REEP5: variants seen among roughly 807,000 people sequenced by gnomAD.
REEP5 encodes the protein receptor accessory protein 5.
Under a neutral mutation model 22.4 loss-of-function variants are expected in REEP5, and 24 were observed. The ratio of observed to expected loss-of-function variants is 1.07; its 90% CI spans 0.78 to 1.51. The LOEUF (loss-of-function observed/expected upper bound fraction) is 1.51, where lower values mean the gene tolerates loss of function less well. REEP5 is among the 40% of genes most tolerant of loss of function. REEP5 has a pLI of 0.00. For missense variants in REEP5, 252 were observed against 233.0 expected (o/e 1.08, Z -0.53); for synonymous variants, 103 against 88.6 (o/e 1.16, Z -0.92).
intron 2 of REEP5, among the ~76,000 whole-genome samples, chr5:112,909,667 C>T (rs991641172): frequency 2.6e-5 from 4 of 152,148 alleles, no homozygotes; most frequent in Non-Finnish European, 4.4e-5. Context: ...TGGACTGGTA[C>T]ATATATGAAC....
chr5:112,921,533 T>G (rs2150050098), intron 1 of REEP5: 1 of 512,142 alleles, frequency 2.0e-6, no homozygotes, highest in Non-Finnish European at 3.5e-6. Flanking sequence ...CCCGGGACGG[T>G]CCCAGGCACC....
intron 2 of REEP5, among the ~76,000 whole-genome samples, chr5:112,916,303 C>T (rs1769231231): frequency 1.3e-5 from 2 of 152,144 alleles, no homozygotes; most frequent in South Asian, 2.1e-4. Context: ...GATCTGACCT[C>T]GATAGGGGTC....
Position 112,911,326 on chromosome 5 carries a change from C to T in REEP5, c.213-8808G>A, listed in dbSNP as rs934246100. On this transcript the variant is annotated intron_variant, in intron 2 of 4. Transcript: ENST00000379638. ...TTTAGGCCACTGTAAATGGCTGCAG[C>T]TCACTGAACTGACATAAAAGGTGTG... Among the ~76,000 whole-genome samples the T allele has an allele frequency of 2.7e-4, 41 of 152,288 alleles. 1 individual carries two copies. The Middle Eastern group carries it at 0.014, about 51-fold the overall frequency.
At chr5:112,886,436 T>C (rs1248738441) in intron 4 of REEP5, among the ~76,000 whole-genome samples, 1 of 152,188 alleles carries the variant, frequency 6.6e-6, no homozygotes, top group Non-Finnish European at 1.5e-5. Flanking sequence ...CTTTATCATT[T>C]CTCCTCCCGC....
chr5:112,921,945 A>C (rs1580760402), intron 1 of REEP5, 128 bp downstream of exon 1: 2 of 1,209,186 alleles, frequency 1.7e-6, no homozygotes, highest in African/African-American at 3.2e-5. Flanking sequence ...TGATCCCTGA[A>C]TATGCTGCTT....
intron 2 of REEP5, among the ~76,000 whole-genome samples, chr5:112,912,089 C>T (rs1769116487): frequency 6.6e-6 from 1 of 152,104 alleles, no homozygotes; most frequent in Non-Finnish European, 1.5e-5. Flanking sequence ...CCTGATTTGT[C>T]CTAAACGTTT....
intron 3 of REEP5, among the ~76,000 whole-genome samples, chr5:112,890,696 A>T (rs1768412292): frequency 6.6e-6 from 1 of 150,516 alleles, no homozygotes; most frequent in South Asian, 2.1e-4. Flanking sequence ...CACTCTAAAG[A>T]TATATACAGA....
intron 3 of REEP5, chr5:112,892,738 G>C (rs560977214): frequency 7.5e-5 from 121 of 1,613,910 alleles, no homozygotes; most frequent in South Asian, 9.9e-5. Flanking sequence ...CAAGAACTCC[G>C]AGAGGAGGGA....
intron 3 of REEP5, chr5:112,893,116 A>AAAAAAAAAAAAAAAAAAAAAAAAAAC (rs1768550572): frequency 1.2e-6 from 1 of 809,776 alleles, no homozygotes; most frequent in Non-Finnish European, 1.8e-6. Flanking sequence ...AAAAAAAAAA[A>AAAAAAAAAAAAAAAAAAAAAAAAAAC]AGAATGGACC....
chr5:112,900,639 C>T lies in REEP5; in HGVS notation c.351+1741G>A, dbSNP rs78252855. On this transcript the variant is annotated intron_variant, in intron 3 of 4. Transcript: ENST00000379638. Reference sequence around the variant, plus strand: ...TGAAGCTTTGACCTGAGGAGCTCTTCTGTAGGTGAAGAGTGGTTAACTATG... The same window carrying T: ...TGAAGCTTTGACCTGAGGAGCTCTTTTGTAGGTGAAGAGTGGTTAACTATG... Among the ~76,000 whole-genome samples, 91 of 152,190 alleles carry T rather than the reference C, an allele frequency of 6.0e-4. 1 individual carries two copies. In the East Asian group the frequency reaches 0.017, roughly 28 times the overall value.
At chr5:112,887,539 A>AT (rs1174025562) in intron 3 of REEP5, among the ~76,000 whole-genome samples, 2 of 152,226 alleles carry the variant, frequency 1.3e-5, no homozygotes, top group African/African-American at 4.8e-5. Context: ...ATCTGCATGT[A>AT]TAAAGCCCTG....
At position 112,902,509 on chromosome 5, in the gene REEP5, A is replaced by C; in HGVS notation, c.222T>G (p.Ala74=). 1 of 1,592,226 alleles carries C rather than the reference A, an allele frequency of 6.3e-7. No homozygotes were observed. Among genetic ancestry groups the C allele is most frequent in the Non-Finnish European group, 8.5e-7 (1 of 1,173,488 alleles). Residue 74 remains alanine (A), a synonymous_variant, in exon 3 of 5, where the codon GCT becomes GCG. Coordinates refer to ENST00000379638, the MANE Select transcript of REEP5 (RefSeq NM_005669.5). ...CATCTTCTTTGTTGGGACTCTCTAT[A>C]GCTTTAATTCTGAAAGGCAGTACAA... ...FGYPAYISIK[A]IESPNKEDDT... is the part of the protein sequence containing the mutation.
intron 2 of REEP5, among the ~76,000 whole-genome samples, chr5:112,912,242 C>G (rs1769120779): frequency 6.6e-6 from 1 of 152,112 alleles, no homozygotes; most frequent in African/African-American, 2.4e-5. Flanking sequence ...ACACCTAAGA[C>G]ACATAGGTAC....
At chr5:112,911,897 G>A (rs1161419290) in intron 2 of REEP5, among the ~76,000 whole-genome samples, 1 of 151,826 alleles carries the variant, frequency 6.6e-6, no homozygotes, top group Non-Finnish European at 1.5e-5. Flanking sequence ...AAAATAATAA[G>A]ACAAGGAACA....
chr5:112,893,113 A>AAAAAAAAAAAAAAAAAAAAAAAAAT (rs1768549990), intron 3 of REEP5: 1 of 844,440 alleles, frequency 1.2e-6, no homozygotes, highest in Non-Finnish European at 1.7e-6. Flanking sequence ...AAAAAAAAAA[A>AAAAAAAAAAAAAAAAAAAAAAAAAT]AAAAGAATGG....
intron 1 of REEP5, 150 bp downstream of exon 1, chr5:112,921,922 CG>C: frequency 9.8e-7 from 1 of 1,015,996 alleles, no homozygotes; most frequent in Non-Finnish European, 1.3e-6. Flanking sequence ...CCACGCTTTC[CG>C]GGAGGCCAGC....
At chr5:112,897,945 G>T (rs1289220658) in intron 3 of REEP5, 1 of 152,256 alleles carries the variant, frequency 6.6e-6, no homozygotes, top group Non-Finnish European at 1.5e-5. Flanking sequence ...TGTAATCCCA[G>T]CTACTTGGGA....
intron 2 of REEP5, among the ~76,000 whole-genome samples, chr5:112,907,237 T>G (rs1768975876): frequency 6.6e-6 from 1 of 152,126 alleles, no homozygotes; most frequent in African/African-American, 2.4e-5. Flanking sequence ...GTCCACTCTT[T>G]TACAGGCTCC....
In REEP5 at chr5:112,877,305, T is replaced by G. The variant is rs1767927552; in HGVS notation, c.*1481A>C. The stretch of plus-strand genomic sequence containing the variant: ...CTCAAGGTGAGCTAATCATCTTTAT[T>G]TGCCTTAAAAAATACTGTACTGGCT... On this transcript the variant is annotated 3_prime_UTR_variant, in exon 5 of 5. Transcript: ENST00000379638. 6.6e-6 allele frequency: 1 copy of G among 152,212 alleles called. No individual in the cohort carries two copies. Among genetic ancestry groups the G allele is most frequent in the Non-Finnish European group, 1.5e-5 (1 of 68,036 alleles). The allele number at this position is 152,212 out of a possible 1,614,324, so 9.4% of individuals were successfully genotyped here.
Sources: gnomAD v4.1 joint callset for allele counts (sites outside exome capture counted in the v4.1 genomes callset) on GRCh38, gnomAD v4.1.1 for gene constraint, MANE v1.5 for transcripts, NCBI Gene and HGNC (gene_info 2026-07-23, HGNC 2026-07-21) for gene names.